Variants in PUDP observed in about 807,000 individuals in gnomAD.
PUDP encodes the protein pseudouridine 5'-phosphatase.
Under a neutral mutation model 9.4 loss-of-function variants are expected in PUDP, and 8 were observed. The observed-to-expected ratio is 0.85, with a 90% CI of 0.50 to 1.53. The LOEUF (loss-of-function observed/expected upper bound fraction) is 1.53, where lower values mean the gene tolerates loss of function less well. PUDP is among the 40% of genes most tolerant of loss of function. The probability of loss-of-function intolerance (pLI) is 0.00; values close to 1 mark genes in which losing one functional copy is unlikely to be tolerated. For synonymous variants in PUDP, 99 were observed against 80.7 expected (o/e 1.23, Z -1.22); for missense variants, 188 against 189.7 (o/e 0.99, Z 0.05).
At chrX:6,735,273 T>C (rs934893504) in intron 3 of PUDP, among the ~76,000 whole-genome samples, 1 of 110,992 alleles carries the variant, frequency 9.0e-6, no homozygotes, top group African/African-American at 3.3e-5. Flanking sequence ...ATGGTTCAGG[T>C]AGTGTTGGGC....
intron 2 of PUDP, among the ~76,000 whole-genome samples, chrX:7,089,869 G>A (rs1443066999): frequency 5.4e-5 from 6 of 111,932 alleles, no homozygotes; most frequent in African/African-American, 1.3e-4. Context: ...GGCCCAAGAG[G>A]TGAAAGAAAA....
At chrX:7,139,302 CTA>C (rs1932774792) in intron 1 of PUDP, among the ~76,000 whole-genome samples, 1 of 111,986 alleles carries the variant, frequency 8.9e-6, no homozygotes, top group Non-Finnish European at 1.9e-5. Context: ...TTTTGTGTCT[CTA>C]TGTTACGTTT....
chrX:6,921,937 C>A (rs1006651081), intron 3 of PUDP, among the ~76,000 whole-genome samples: 2 of 111,711 alleles, frequency 1.8e-5, no homozygotes, highest in African/African-American at 6.5e-5. Context: ...TTGTACTGTT[C>A]ACCTACTCCA....
chrX:6,833,306 C>T (rs111669242), intron 3 of PUDP, among the ~76,000 whole-genome samples: 11,522 of 109,556 alleles, frequency 0.11, 594 homozygotes, highest in African/African-American at 0.2. Context: ...ATGGGATGGA[C>T]GGATGGACAA....
chrX:6,844,159 G>GA (rs1430735047), intron 3 of PUDP, among the ~76,000 whole-genome samples: 1 of 112,461 alleles, frequency 8.9e-6, no homozygotes, highest in Non-Finnish European at 1.9e-5. Context: ...TCTCTCTGAT[G>GA]AATCCACCTT....
chrX:6,883,223 T>C (rs1455753333), intron 3 of PUDP, among the ~76,000 whole-genome samples: 1 of 111,554 alleles, frequency 9.0e-6, no homozygotes, highest in Non-Finnish European at 1.9e-5. Context: ...AAGGTGACTT[T>C]AAAATATTTT....
intron 3 of PUDP, among the ~76,000 whole-genome samples, chrX:6,926,329 G>C (rs1272125086): frequency 2.7e-5 from 3 of 112,126 alleles, no homozygotes; most frequent in Non-Finnish European, 5.6e-5. Flanking sequence ...CAGTCAGACA[G>C]GAGTGTACTG....
intron 3 of PUDP, among the ~76,000 whole-genome samples, chrX:6,915,943 A>C (rs1292027175): frequency 9.0e-6 from 1 of 110,673 alleles, no homozygotes; most frequent in Non-Finnish European, 1.9e-5. Context: ...AGAGAAGGAA[A>C]CCGTAGCACA....
intron 3 of PUDP, among the ~76,000 whole-genome samples, chrX:6,891,993 T>C (rs1228446680): frequency 1.8e-5 from 2 of 112,098 alleles, no homozygotes; most frequent in Non-Finnish European, 3.8e-5. Flanking sequence ...CTTGGGATTG[T>C]CCACAGCACT....
chrX:6,842,613 C>T (rs1028034720), intron 3 of PUDP, among the ~76,000 whole-genome samples: 2 of 112,396 alleles, frequency 1.8e-5, no homozygotes, highest in African/African-American at 6.5e-5. Flanking sequence ...TGCCTCCTAA[C>T]GATGGACTTA....
At chrX:6,981,574 G>A (rs1309450377) in intron 1 of PUDP, among the ~76,000 whole-genome samples, 1 of 111,305 alleles carries the variant, frequency 9.0e-6, no homozygotes, top group African/African-American at 3.3e-5. Context: ...TAATTACAAA[G>A]CCATTTTTTA....
intron 3 of PUDP, among the ~76,000 whole-genome samples, chrX:7,072,813 C>CA (rs774767127): frequency 0.028 from 909 of 32,307 alleles, 34 homozygotes; most frequent in African/African-American, 0.046. Context: ...GACTGTGTCT[C>CA]AAAAAAAAAA....
intron 1 of PUDP, chrX:7,116,917 C>T: frequency 8.6e-7 from 1 of 1,161,093 alleles, no homozygotes; most frequent in Non-Finnish European, 1.1e-6. Flanking sequence ...CCCCCCAACT[C>T]TCTCTCTGGC....
At chrX:7,101,364 A>G (rs1931728747) in intron 2 of PUDP, among the ~76,000 whole-genome samples, 2 of 111,677 alleles carry the variant, frequency 1.8e-5, no homozygotes, top group Admixed American at 1.9e-4. Flanking sequence ...GTTCTATAGG[A>G]CTGAACTATC....
chrX:6,791,821 G>A (rs1444150189), intron 3 of PUDP, among the ~76,000 whole-genome samples: 1 of 112,384 alleles, frequency 8.9e-6, no homozygotes, highest in African/African-American at 3.2e-5. Flanking sequence ...CAGCAGCAAT[G>A]AGAAACTAAC....
chrX:7,116,300 T>G (rs1191871233), intron 1 of PUDP, among the ~76,000 whole-genome samples: 1 of 111,094 alleles, frequency 9.0e-6, no homozygotes, highest in Non-Finnish European at 1.9e-5. Context: ...TGGCTGGCGG[T>G]GGAAACTCTG....
At chrX:6,867,694 G>A (rs1038329888) in intron 3 of PUDP, among the ~76,000 whole-genome samples, 11 of 111,380 alleles carry the variant, frequency 9.9e-5, no homozygotes, top group African/African-American at 3.6e-4. Context: ...TGGTGGTGCC[G>A]AAAGTGGAGG....
At chrX:6,862,795 C>G (rs1439777347) in intron 3 of PUDP, among the ~76,000 whole-genome samples, 1 of 110,923 alleles carries the variant, frequency 9.0e-6, no homozygotes, top group East Asian at 2.8e-4. Context: ...CCAACATTGC[C>G]AATGTTGGCT....
At chrX:7,063,187 G>A (rs1380139332) in intron 3 of PUDP, among the ~76,000 whole-genome samples, 4 of 111,752 alleles carry the variant, frequency 3.6e-5, no homozygotes, top group Admixed American at 9.5e-5. Context: ...TGTTACACAC[G>A]TGATAACAAG....
Sources: allele counts gnomAD v4.1 joint callset (sites outside exome capture counted in the v4.1 genomes callset), GRCh38; gene constraint gnomAD v4.1.1; transcripts MANE v1.5; gene names NCBI Gene and HGNC (gene_info 2026-07-23, HGNC 2026-07-21).